The following NRCAM variants were observed in gnomAD, a reference collection of about 807,000 sequenced individuals.
The protein encoded by NRCAM is neuronal cell adhesion molecule, also known as NgCAM-related cell adhesion molecule.
In NRCAM, 83 loss-of-function variants were observed where a neutral mutation model predicts 156.5. The observed-to-expected ratio is 0.53, with a 90% confidence interval of 0.44 to 0.64. The LOEUF (loss-of-function observed/expected upper bound fraction) is 0.64. Among genes scored for constraint, NRCAM ranks in the 30% least tolerant of loss-of-function variants. The pLI is 0.00. For synonymous variants in NRCAM, 538 were observed against 563.9 expected (o/e 0.95, Z 0.65); for missense variants, 1,417 against 1,597.3 (o/e 0.89, Z 1.92).
rs868552674 is a variant in NRCAM, at chr7:108,397,645, G to A, written c.-174+1791C>T. ...AAGCAATGCTGAAACACTGGGCAGAGCAATGAAAGTGAGAATTTGACAAAA... is the reference window on the plus strand; with the variant it reads ...AAGCAATGCTGAAACACTGGGCAGAACAATGAAAGTGAGAATTTGACAAAA... On this transcript the variant is annotated intron_variant, in intron 2 of 32. Transcript: ENST00000379028. Among the ~76,000 whole-genome samples the A allele has an allele frequency of 6.6e-5, 10 of 152,300 alleles. No individual in the cohort carries two copies. The South Asian group carries it at 1.9e-3, about 28-fold the overall frequency.
At chr7:108,404,675 C>T (rs2099802396) in intron 1 of NRCAM, among the ~76,000 whole-genome samples, 1 of 152,140 alleles carries the variant, frequency 6.6e-6, no homozygotes, top group Non-Finnish European at 1.5e-5. Flanking sequence ...ATATTTGATC[C>T]TCATGACAAC....
rs1584918292 is a variant in NRCAM, at chr7:108,150,641, C to G, written c.3678-494G>C. The G allele has an allele frequency of 1.6e-5, 8 of 507,092 alleles. No homozygotes were observed. In the East Asian group the frequency reaches 1.6e-4, roughly 10 times the overall value. 31.4% of individuals were successfully genotyped at this position (507,092 alleles called of 1,614,324 possible). Reference sequence around the variant, plus strand: ...AGCCAGAAGGAGAAGCAAAATCCTGCATTTCAAATAATTTTGTTATCAATG... The same window carrying G: ...AGCCAGAAGGAGAAGCAAAATCCTGGATTTCAAATAATTTTGTTATCAATG... On this transcript the variant is annotated intron_variant, in intron 32 of 32. Transcript: ENST00000379028.
intron 6 of NRCAM, among the ~76,000 whole-genome samples, chr7:108,233,213 T>G (rs530955627): frequency 1.3e-5 from 2 of 152,328 alleles, no homozygotes; most frequent in East Asian, 3.9e-4. Flanking sequence ...ACAGTGCTCA[T>G]GTAATTAAAT....
intron 19 of NRCAM, among the ~76,000 whole-genome samples, chr7:108,190,532 T>C (rs1266507207): frequency 2.0e-5 from 3 of 152,200 alleles, no homozygotes; most frequent in Non-Finnish European, 2.9e-5. Flanking sequence ...ACAGGTTTTA[T>C]ATTGGATAAT....
At chr7:108,157,541 G>C (rs1404665786) in intron 32 of NRCAM, among the ~76,000 whole-genome samples, 1 of 152,124 alleles carries the variant, frequency 6.6e-6, no homozygotes, top group East Asian at 1.9e-4. Flanking sequence ...TTGATTCCAA[G>C]CTAGTTCATA....
At chr7:108,451,991 T>A (rs2214913) in intron 1 of NRCAM, among the ~76,000 whole-genome samples, 37,460 of 152,102 alleles carry the variant, frequency 0.25, 4,926 homozygotes, top group Non-Finnish European at 0.29. Context: ...GCAAAAACAT[T>A]TTTTAAATAA....
intron 29 of NRCAM, among the ~76,000 whole-genome samples, chr7:108,167,295 T>C (rs2055112179): frequency 6.6e-6 from 1 of 152,218 alleles, no homozygotes; most frequent in Non-Finnish European, 1.5e-5. Context: ...TCTAGCTTGC[T>C]TATTAATTGT....
chr7:108,324,318 C>A (rs760951680), intron 2 of NRCAM, among the ~76,000 whole-genome samples: 6 of 152,076 alleles, frequency 3.9e-5, no homozygotes, highest in Non-Finnish European at 5.9e-5. Context: ...TTAAACACAC[C>A]CTTCTTCTCT....
chr7:108,455,285 C>T (rs974181171), intron 1 of NRCAM, among the ~76,000 whole-genome samples: 6 of 152,102 alleles, frequency 3.9e-5, no homozygotes, highest in African/African-American at 1.4e-4. Flanking sequence ...CGGCAGCGCC[C>T]ACCCGCGCGG....
chr7:108,253,564 A>T (rs2096482254), intron 3 of NRCAM, among the ~76,000 whole-genome samples: 1 of 152,224 alleles, frequency 6.6e-6, no homozygotes, highest in South Asian at 2.1e-4. Flanking sequence ...AAGGGGGCAT[A>T]AATGCTGTTA....
Position 108,194,080 on chromosome 7 carries a change from G to C in NRCAM, c.1722C>G (p.Thr574=), listed in dbSNP as rs2153460240. ...SFECKVKHDH[T]LSLTVLWLKD... is the part of the protein sequence containing the mutation. ...TCAGCCACAGGACAGTGAGGGATAAGGTGTGATCATGTTTCACTTTGCATT... is the reference window on the plus strand; with the variant it reads ...TCAGCCACAGGACAGTGAGGGATAACGTGTGATCATGTTTCACTTTGCATT... Residue 574 remains threonine, a synonymous_variant, in exon 17 of 33, where the codon ACC becomes ACG. Coordinates refer to ENST00000379028, the MANE Select transcript of NRCAM (RefSeq NM_001037132.4). 3 of 1,614,142 alleles carry C rather than the reference G, an allele frequency of 1.9e-6. No homozygotes were observed. The highest frequency in any genetic ancestry group is 2.5e-6 in the Non-Finnish European group (3 of 1,179,982).
At chr7:108,225,041 T>A (rs2093200836) in intron 10 of NRCAM, among the ~76,000 whole-genome samples, 1 of 152,204 alleles carries the variant, frequency 6.6e-6, no homozygotes, top group South Asian at 2.1e-4. Context: ...TGAGAACATT[T>A]CCCTTAAGGG....
At chr7:108,237,655 A>C (rs1405209671) in intron 5 of NRCAM, 97 bp downstream of exon 5, 2 of 888,410 alleles carry the variant, frequency 2.3e-6, no homozygotes, top group East Asian at 5.7e-5. Context: ...AAGGTCACAA[A>C]ACATGAAATT....
At chr7:108,197,247 T>C (rs2075634521) in intron 14 of NRCAM, among the ~76,000 whole-genome samples, 1 of 152,202 alleles carries the variant, frequency 6.6e-6, no homozygotes, top group Non-Finnish European at 1.5e-5. Context: ...ACTGCTTAGC[T>C]CTTCATAGGA....
At chr7:108,210,788 A>G (rs2083772025) in intron 11 of NRCAM, among the ~76,000 whole-genome samples, 1 of 152,246 alleles carries the variant, frequency 6.6e-6, no homozygotes, top group African/African-American at 2.4e-5. Context: ...GTACTGAACT[A>G]TACACCAAGC....
At chr7:108,218,916 A>G (rs2090966617) in intron 11 of NRCAM, among the ~76,000 whole-genome samples, 1 of 152,210 alleles carries the variant, frequency 6.6e-6, no homozygotes, top group South Asian at 2.1e-4. Flanking sequence ...AAATGAAACA[A>G]ACAGCTGGTT....
chr7:108,212,790 G>A (rs1002832611), intron 11 of NRCAM, among the ~76,000 whole-genome samples: 22 of 152,112 alleles, frequency 1.4e-4, no homozygotes, highest in African/African-American at 4.8e-4. Flanking sequence ...TGTTCCTGAG[G>A]AATAAGAGAA....
Position 108,168,380 on chromosome 7 carries a change from G to A in NRCAM, c.3210C>T (p.Ile1070=), listed in dbSNP as rs1489720691. 1.2e-6 allele frequency: 2 copies of A among 1,604,454 alleles called. No individual in the cohort carries two copies. Among genetic ancestry groups the A allele is most frequent in the African/African-American group, 2.7e-5 (2 of 74,656 alleles). Residue 1070 remains isoleucine, a synonymous_variant, in exon 29 of 33, where the codon ATC becomes ATT. Coordinates refer to ENST00000379028, the MANE Select transcript of NRCAM (RefSeq NM_001037132.4). ...CAGCAGCTGCAGCAGTAAGATTGCT[G>A]ATCCTGGGATTTACTGCTTGAACTA... ...AGKVQAVNPR[I]SNLTAAAAET...
intron 11 of NRCAM, among the ~76,000 whole-genome samples, chr7:108,212,890 C>T (rs923201308): frequency 3.3e-5 from 5 of 152,088 alleles, no homozygotes; most frequent in African/African-American, 1.2e-4. Flanking sequence ...ATACAGGAAG[C>T]ACAAAGAACA....
Sources: gnomAD v4.1 joint callset for allele counts (sites outside exome capture counted in the v4.1 genomes callset) on GRCh38, gnomAD v4.1.1 for gene constraint, MANE v1.5 for transcripts, NCBI Gene and HGNC (gene_info 2026-07-23, HGNC 2026-07-21) for gene names.